The following NAA11 variants were observed in gnomAD, a reference collection of about 807,000 sequenced individuals.
NAA11 encodes N-alpha-acetyltransferase 11.
In NAA11, 15 loss-of-function variants were observed where a neutral mutation model predicts 16.1. That is an observed-to-expected ratio of 0.93 (90% CI 0.62 to 1.44). NAA11 has a LOEUF of 1.44. Among genes scored for constraint, NAA11 ranks in the 40% most tolerant of loss-of-function variants. NAA11 has a pLI of 0.00. For synonymous variants in NAA11, 122 were observed against 112.4 expected, an observed-to-expected ratio of 1.09 and a Z score of -0.54; for missense variants, 298 against 291.3, an observed-to-expected ratio of 1.02 and a Z score of -0.17.
chr4:79,236,072 G>T (rs1426973349), intron 2 of NAA11, among the ~76,000 whole-genome samples: 1 of 152,000 alleles, frequency 6.6e-6, no homozygotes, highest in Non-Finnish European at 1.5e-5. Context: ...TTAGCTTCTT[G>T]TTAAAAAATT....
the NAA11 span, among the ~76,000 whole-genome samples, chr4:79,176,365 T>C: frequency 3.3e-5 from 5 of 152,222 alleles, no homozygotes; most frequent in East Asian, 7.7e-4. Flanking sequence ...TATATGTATA[T>C]AGAGAGATTT....
At chr4:79,229,976 A>AT (rs1405541309) in intron 2 of NAA11, among the ~76,000 whole-genome samples, 3 of 151,948 alleles carry the variant, frequency 2.0e-5, no homozygotes, top group African/African-American at 7.2e-5. Context: ...ATCTTTATGG[A>AT]TTTTTAAAAA....
chr4:79,235,736 G>C (rs1307879186), intron 2 of NAA11, among the ~76,000 whole-genome samples: 1 of 152,038 alleles, frequency 6.6e-6, no homozygotes, highest in Admixed American at 6.6e-5. Flanking sequence ...TGAATGTAAA[G>C]ATATAAATGT....
chr4:79,243,631 C>T (rs1196277386), intron 2 of NAA11, among the ~76,000 whole-genome samples: 1 of 152,148 alleles, frequency 6.6e-6, no homozygotes, highest in East Asian at 1.9e-4. Flanking sequence ...TTCAAGGTAC[C>T]TCCAGTTACC....
chr4:79,178,589 T>C, the NAA11 span, among the ~76,000 whole-genome samples: 1 of 152,226 alleles, frequency 6.6e-6, no homozygotes, highest in Non-Finnish European at 1.5e-5. Flanking sequence ...TTAGATACTA[T>C]GAATATCATT....
At chr4:79,234,321 C>T (rs1183214255) in intron 2 of NAA11, among the ~76,000 whole-genome samples, 1 of 152,096 alleles carries the variant, frequency 6.6e-6, no homozygotes, top group Non-Finnish European at 1.5e-5. Flanking sequence ...CAATTTGCCC[C>T]TTGGCACATT....
Position 79,325,919 on chromosome 4 carries a change from A to G in NAA11, c.-42T>C. 1 of 1,552,790 alleles carries G rather than the reference A, an allele frequency of 6.4e-7. No individual in the cohort carries two copies. Among genetic ancestry groups the G allele is most frequent in the Non-Finnish European group, 8.7e-7 (1 of 1,145,042 alleles). Reference sequence around the variant, plus strand: ...GAACCGGTTGGACTGCAGTGAACCCAGAAGAGGCTGTCGCCGACCTTAAGG... The same window carrying G: ...GAACCGGTTGGACTGCAGTGAACCCGGAAGAGGCTGTCGCCGACCTTAAGG... On this transcript the variant is annotated 5_prime_UTR_variant, in exon 1 of 2. Transcript: ENST00000286794.
chr4:79,179,060 G>T, the NAA11 span, among the ~76,000 whole-genome samples: 2 of 152,288 alleles, frequency 1.3e-5, no homozygotes, highest in African/African-American at 4.8e-5. Flanking sequence ...TACCCTAAAT[G>T]CAAGTGGAAG....
At chr4:79,268,112 G>A (rs1722392032) in intron 2 of NAA11, among the ~76,000 whole-genome samples, 1 of 152,094 alleles carries the variant, frequency 6.6e-6, no homozygotes, top group Non-Finnish European at 1.5e-5. Context: ...AATCTGTGGA[G>A]CATTGATGAA....
At chr4:79,207,436 G>A in the NAA11 span, among the ~76,000 whole-genome samples, 1 of 146,612 alleles carries the variant, frequency 6.8e-6, no homozygotes, top group Admixed American at 6.9e-5. Context: ...AGAAGAGGAA[G>A]AAACACAGAG....
the NAA11 span, among the ~76,000 whole-genome samples, chr4:79,187,778 C>A: frequency 2.0e-5 from 3 of 151,902 alleles, no homozygotes; most frequent in Non-Finnish European, 2.9e-5. Context: ...GGGCTGATCA[C>A]GAGGTCAGGA....
At chr4:79,237,126 G>A (rs1721587293) in intron 2 of NAA11, among the ~76,000 whole-genome samples, 1 of 152,142 alleles carries the variant, frequency 6.6e-6, no homozygotes, top group African/African-American at 2.4e-5. Flanking sequence ...AAACACAGGT[G>A]CCTAAATTGG....
the NAA11 span, among the ~76,000 whole-genome samples, chr4:79,160,710 G>A: frequency 6.6e-6 from 1 of 151,880 alleles, no homozygotes; most frequent in Non-Finnish European, 1.5e-5. Context: ...ATTTTTAAAC[G>A]GTTGAGTTGT....
the NAA11 span, among the ~76,000 whole-genome samples, chr4:79,198,561 A>AGGGTTAGGGAAAATG: frequency 6.6e-6 from 1 of 151,786 alleles, no homozygotes; most frequent in African/African-American, 2.4e-5. Flanking sequence ...ATCCTCCTGT[A>AGGGTTAGGGAAAATG]CCCTAACCCT....
At chr4:79,303,076 T>TTATACATATATATA (rs1013787503) in intron 1 of NAA11, among the ~76,000 whole-genome samples, 1 of 67,524 alleles carries the variant, frequency 1.5e-5, no homozygotes, top group Non-Finnish European at 2.9e-5. Context: ...TTGAGGCCTT[T>TTATACATATATATA]TATATATATA....
At chr4:79,255,157 C>A (rs1167924876) in intron 2 of NAA11, among the ~76,000 whole-genome samples, 3 of 152,070 alleles carry the variant, frequency 2.0e-5, no homozygotes, top group Non-Finnish European at 4.4e-5. Flanking sequence ...AATGATCACA[C>A]TGGGGGTGGT....
downstream of NAA11, among the ~76,000 whole-genome samples, chr4:79,221,448 G>C (rs1254839735): frequency 3.2e-5 from 3 of 93,376 alleles, no homozygotes; most frequent in Non-Finnish European, 7.4e-5. Context: ...TCCCTGTCTT[G>C]TGCCAGTTTT....
intron 2 of NAA11, among the ~76,000 whole-genome samples, chr4:79,257,269 C>T (rs915683863): frequency 1.2e-4 from 19 of 152,098 alleles, no homozygotes; most frequent in African/African-American, 4.3e-4. Context: ...ATGCTCACCA[C>T]CAGTCTTTTT....
At chr4:79,320,904 G>A (rs1224546135) in intron 1 of NAA11, among the ~76,000 whole-genome samples, 2 of 152,170 alleles carry the variant, frequency 1.3e-5, no homozygotes, top group Admixed American at 1.3e-4. Context: ...TGTTTTTCCT[G>A]TTCTTTCTTT....
Sources: gnomAD v4.1 joint callset for allele counts (sites outside exome capture counted in the v4.1 genomes callset) on GRCh38, gnomAD v4.1.1 for gene constraint, MANE v1.5 for transcripts, NCBI Gene and HGNC (gene_info 2026-07-23, HGNC 2026-07-21) for gene names.